The following SPTAN1 variants were observed in gnomAD, a reference collection of about 807,000 sequenced individuals.
SPTAN1 encodes spectrin alpha chain, non-erythrocytic 1.
In SPTAN1, 61 loss-of-function variants were observed where a neutral mutation model predicts 331.3. The observed-to-expected ratio is 0.18, with a 90% CI of 0.15 to 0.23. The LOEUF (loss-of-function observed/expected upper bound fraction) is 0.23. Ranked by LOEUF, SPTAN1 falls within the 10% of genes least tolerant of loss-of-function variation. SPTAN1 has a pLI of 1.00. For synonymous variants in SPTAN1, 1,153 were observed against 1,173.9 expected (o/e 0.98, Z 0.36); for missense variants, 2,043 against 3,147.9 (o/e 0.65, Z 8.40).
intron 16 of SPTAN1, 148 bp from the exon 17 acceptor site, chr9:128,584,134 C>G: frequency 6.9e-7 from 1 of 1,447,072 alleles, no homozygotes; most frequent in Non-Finnish European, 9.5e-7. Context: ...AAATATCATC[C>G]CTTAGAGCTT....
At chr9:128,599,908 C>G (rs570927856) in intron 26 of SPTAN1, 172 bp from the exon 27 acceptor site, 1 of 678,822 alleles carries the variant, frequency 1.5e-6, no homozygotes, top group South Asian at 1.8e-5. Flanking sequence ...TTTTTCTTAA[C>G]CAGCCTTGTA....
intron 1 of SPTAN1, 24 bp from the exon 2 acceptor site, chr9:128,566,714 T>C (rs567370036): frequency 3.5e-5 from 57 of 1,613,980 alleles, no homozygotes; most frequent in Non-Finnish European, 4.4e-5. Context: ...TTGGTACTTA[T>C]CTCAGCGCAT....
chr9:128,628,059 C>T (rs1193639437), intron 51 of SPTAN1, 117 bp downstream of exon 51: 1 of 1,254,314 alleles, frequency 8.0e-7, no homozygotes, highest in Non-Finnish European at 1.2e-6. Context: ...GGGCGGGCTG[C>T]ACTTCCCCTC....
At chr9:128,621,851 A>G (rs1857904279) in intron 45 of SPTAN1, 1 of 167,962 alleles carries the variant, frequency 6.0e-6, no homozygotes, top group Non-Finnish European at 1.3e-5. Context: ...GCGAAGCCAC[A>G]TCCCTCCCAC....
Position 128,592,985 on chromosome 9 carries a change from C to G in SPTAN1, c.3158C>G (p.Thr1053Arg). ...ALRQEQIDNQ[T>R]RITKEAGSVS... ...TTTGCTGTGCCCCCTCTGTGCAGGA[C>G]ACGCATAACTAAGGAGGCCGGCAGT... The change falls in exon 23 of 57, where the codon ACA becomes AGA. Residue 1053 changes from threonine to arginine, a missense_variant and splice_region_variant. By Grantham distance (71) the Thr-to-Arg change is moderately conservative (BLOSUM62 -1). Coordinates refer to ENST00000372739, the MANE Select transcript of SPTAN1 (RefSeq NM_001130438.3). 1 of 1,607,408 alleles carries G rather than the reference C, an allele frequency of 6.2e-7. No individual in the cohort carries two copies. Among genetic ancestry groups the G allele is most frequent in the Non-Finnish European group, 8.5e-7 (1 of 1,176,508 alleles).
Position 128,632,325 on chromosome 9 carries a change from TA to T in SPTAN1, c.6959+3del. The T allele has an allele frequency of 6.2e-7, 1 of 1,613,370 alleles. No individual in the cohort carries two copies. The highest frequency in any genetic ancestry group is 8.5e-7 in the Non-Finnish European group (1 of 1,179,914). ...CCTGGAGCAGCAGATCCAGGCCAGG[TA>T]CCCGGGAGGGCTGTGGGCCAGGCTC... On this transcript the variant is annotated splice_donor_region_variant and intron_variant, in intron 53 of 56. Coordinates refer to ENST00000372739, the MANE Select transcript of SPTAN1 (RefSeq NM_001130438.3).
rs543817788 is a variant in SPTAN1 at position 128,593,748 on chromosome 9, C to A, written c.3216-427C>A. The A allele has an allele frequency of 1.2e-5, 3 of 247,686 alleles. No individual in the cohort carries two copies. The East Asian group carries it at 2.7e-4, about 22-fold the overall frequency. 15.3% of individuals were successfully genotyped at this position (247,686 alleles called of 1,614,324 possible). A position where few individuals can be genotyped will look rare whatever the true frequency, so the allele number is the denominator to read the frequency against. On this transcript the variant is annotated intron_variant, in intron 23 of 56. Transcript: ENST00000372739. ...AAGCTCAGTGTACCCTCCCCCACCTCACCCCAGCCTGGGGGCTCTTCAGAG... is the reference window on the plus strand; with the variant it reads ...AAGCTCAGTGTACCCTCCCCCACCTAACCCCAGCCTGGGGGCTCTTCAGAG...
At chr9:128,628,799 G>T in intron 51 of SPTAN1, 1 of 248,656 alleles carries the variant, frequency 4.0e-6, no homozygotes, top group Non-Finnish European at 7.7e-6. Flanking sequence ...CGTAGGGATC[G>T]CAGTTTCCGG....
chr9:128,554,443 CT>C (rs1391427522), intron 1 of SPTAN1, among the ~76,000 whole-genome samples: 1 of 152,162 alleles, frequency 6.6e-6, no homozygotes, highest in Non-Finnish European at 1.5e-5. Flanking sequence ...TTAAGTATGT[CT>C]TTTGGTTCCC....
In SPTAN1 at chr9:128,625,912, C is replaced by G. The variant is rs754910706; in HGVS notation, c.6213C>G (p.Ser2071Arg). 6.8e-6 allele frequency: 11 copies of G among 1,614,204 alleles called. No individual in the cohort carries two copies. Among genetic ancestry groups the G allele is most frequent in the Admixed American group, 6.7e-5 (4 of 60,030 alleles). Residue 2071 changes from serine to arginine, a missense_variant, in exon 48 of 57, where the codon AGC becomes AGG. Physicochemically the swap from Ser to Arg is moderately radical, Grantham distance 110. Around this residue, in one of 12 missense-constraint regions of SPTAN1, gnomAD observed 256 missense variants for 376.4 expected, o/e 0.68. Coordinates refer to ENST00000372739, the MANE Select transcript of SPTAN1 (RefSeq NM_001130438.3). The surrounding 1 kb of genome is among the most constrained non-coding windows in gnomAD (Gnocchi z 4.1). The stretch of plus-strand genomic sequence containing the variant: ...ACGCCTCCCTCATGAAGAGGTGGAG[C>G]CAGCTTCTGGCCAACTCAGCCGCCC... ...ARHASLMKRW[S>R]QLLANSAARK... is the part of the protein sequence containing the mutation.
rs1177531674 is a variant in SPTAN1, at chr9:128,633,379, C to T, written c.*45C>T. The T allele has an allele frequency of 2.5e-6, 4 of 1,612,772 alleles. No individual in the cohort carries two copies. The South Asian group carries it at 4.4e-5, about 18-fold the overall frequency. ...ACCCCTCGCTGCTTGCCCTGCGTCG[C>T]CTTGCTGCATGTCCGCTCCTCTGTG... On this transcript the variant is annotated 3_prime_UTR_variant, in exon 57 of 57. Transcript: ENST00000372739.
At chr9:128,631,812 C>T (rs1176910162) in intron 52 of SPTAN1, 4 of 370,356 alleles carry the variant, frequency 1.1e-5, no homozygotes, top group African/African-American at 6.2e-5. Context: ...AGTGAGACTC[C>T]ATCTCAAAAA....
Position 128,582,696 on chromosome 9 carries a change from G to T in SPTAN1, c.1653G>T (p.Leu551=). ...MEDVATRRDA[L]LSRRNALHER... ...CACAGGGGATCCTTGTCTTTCAGCT[G>T]TTGAGCCGCCGCAATGCCCTTCACG... The change falls in exon 14 of 57, where the codon CTG becomes CTT. Residue 551 remains leucine, a splice_region_variant and synonymous_variant. Coordinates refer to ENST00000372739, the MANE Select transcript of SPTAN1 (RefSeq NM_001130438.3). The T allele has an allele frequency of 1.2e-6, 2 of 1,613,204 alleles. No individual in the cohort carries two copies. The highest frequency in any genetic ancestry group is 8.5e-7 in the Non-Finnish European group (1 of 1,180,022).
At chr9:128,615,924 G>C (rs1004161434) in intron 41 of SPTAN1, 84 bp downstream of exon 41, 1 of 1,465,148 alleles carries the variant, frequency 6.8e-7, no homozygotes, top group Non-Finnish European at 9.5e-7. Flanking sequence ...TGAGTGGTGA[G>C]GCTGGAAACC....
chr9:128,625,075 A>G lies in SPTAN1; in HGVS notation c.5993-28A>G, dbSNP rs1858528802. 3 of 1,603,640 alleles carry G rather than the reference A, an allele frequency of 1.9e-6. No homozygotes were observed. Among genetic ancestry groups the G allele is most frequent in the African/African-American group, 1.3e-5 (1 of 74,718 alleles). ...CTAATCCATCTCCACTGAGGAGGGCAGTATATTTTCCACACTTCGTTTTCT... is the reference window on the plus strand; with the variant it reads ...CTAATCCATCTCCACTGAGGAGGGCGGTATATTTTCCACACTTCGTTTTCT... On this transcript the variant is annotated intron_variant, in intron 46 of 56. Coordinates refer to ENST00000372739, the MANE Select transcript of SPTAN1 (RefSeq NM_001130438.3). This position sits in a 1 kb window ranked among gnomAD's most constrained non-coding sequence, Gnocchi z 4.1.
chr9:128,565,593 C>G (rs1849931311), intron 1 of SPTAN1, among the ~76,000 whole-genome samples: 1 of 152,206 alleles, frequency 6.6e-6, no homozygotes, highest in African/African-American at 2.4e-5. Flanking sequence ...GGGGCACTAG[C>G]TAGAAACTCT....
rs143309753 is a variant in SPTAN1 at position 128,594,296 on chromosome 9, G to A, written c.3337G>A (p.Ala1113Thr). ...LQQWINEKEA[A>T]LTSEEVGADL... Reference sequence around the variant, plus strand: ...GCAATGGATCAATGAGAAGGAAGCCGCTCTGACAAGTGAGGAGGTCGGAGC... The same window carrying A: ...GCAATGGATCAATGAGAAGGAAGCCACTCTGACAAGTGAGGAGGTCGGAGC... Residue 1113 changes from alanine (A) to threonine (T), a missense_variant, in exon 24 of 57, where the codon GCT becomes ACT. Ala to Thr is a moderately conservative substitution (Grantham distance 58). This residue lies in a region of SPTAN1 where 1,038 missense variants were observed against 1,531.5 expected (regional missense o/e 0.68). Coordinates refer to ENST00000372739, the MANE Select transcript of SPTAN1 (RefSeq NM_001130438.3). The A allele has an allele frequency of 2.8e-5, 46 of 1,614,050 alleles. No homozygotes were observed. The highest frequency in any genetic ancestry group is 3.3e-5 in the Non-Finnish European group (39 of 1,180,042).
At chr9:128,593,177 A>G (rs888577564) in intron 23 of SPTAN1, 135 bp downstream of exon 23, 1 of 963,984 alleles carries the variant, frequency 1.0e-6, no homozygotes. Flanking sequence ...TCCGTGCAGC[A>G]GCTTTGGCTC....
chr9:128,591,892 T>C (rs925220093), intron 22 of SPTAN1, among the ~76,000 whole-genome samples: 11 of 152,350 alleles, frequency 7.2e-5, no homozygotes, highest in African/African-American at 2.6e-4. Flanking sequence ...GCCTTTTGGT[T>C]CGAGATGCTT....
Sources: allele counts gnomAD v4.1 joint callset (sites outside exome capture counted in the v4.1 genomes callset), GRCh38; gene constraint gnomAD v4.1.1; regional missense constraint gnomAD v4.1.1; non-coding constraint Gnocchi (gnomAD v3.1); transcripts MANE v1.5; gene names NCBI Gene and HGNC (gene_info 2026-07-23, HGNC 2026-07-21).